The following STK35 variants were observed in gnomAD, a reference collection of about 807,000 sequenced individuals.
The protein encoded by STK35 is serine/threonine-protein kinase 35.
In STK35, 17 loss-of-function variants were observed where a neutral mutation model predicts 37.3. The ratio of observed to expected loss-of-function variants is 0.46; its 90% CI spans 0.31 to 0.68. STK35 has a LOEUF of 0.68. Ranked by LOEUF, STK35 falls within the 30% of genes least tolerant of loss-of-function variation. The pLI, the probability that STK35 is intolerant of heterozygous loss-of-function variation, is 0.05. For missense variants in STK35, 595 were observed against 746.7 expected (o/e 0.80, Z 2.37); for synonymous variants, 385 against 319.1 (o/e 1.21, Z -2.20).
Position 2,141,907 on chromosome 20 carries a change from T to C in STK35, c.*38-1877T>C, listed in dbSNP as rs576368176. Among the ~76,000 whole-genome samples, 4 of 152,354 alleles carry C rather than the reference T, an allele frequency of 2.6e-5. No individual in the cohort carries two copies. The East Asian group carries it at 7.7e-4, about 29-fold the overall frequency. On this transcript the variant is annotated intron_variant, in intron 3 of 3. Coordinates refer to ENST00000381482, the MANE Select transcript of STK35 (RefSeq NM_080836.4). ...TTATTTTTGGACTTGTGAGTTGTTA[T>C]ATTTCAGTGAACTTCTTTATCCATA...
intron 2 of STK35, among the ~76,000 whole-genome samples, chr20:2,108,436 G>A (rs1187880373): frequency 6.6e-6 from 1 of 152,158 alleles, no homozygotes; most frequent in Non-Finnish European, 1.5e-5. Context: ...CTTGAACCCG[G>A]GAGGCAGAGG....
In STK35 at chr20:2,116,929, A is replaced by G; in HGVS notation, c.1156A>G (p.Lys386Glu). ...CAAAGTGGCCGACTTTGGACTAAGCAAGGTCTGTGCTGGGCTGGCACCCCG... is the reference window on the plus strand; with the variant it reads ...CAAAGTGGCCGACTTTGGACTAAGCGAGGTCTGTGCTGGGCTGGCACCCCG... Reference protein sequence around the residue: ...ILKVADFGLSKVCAGLAPRGK... With the variant: ...ILKVADFGLSEVCAGLAPRGK... Residue 386 changes from lysine to glutamate, a missense_variant, in exon 3 of 4, where the codon AAG (lysine) becomes GAG (glutamate). Lys to Glu is a moderately conservative substitution (Grantham distance 56). This residue lies in a region of STK35 where 109 missense variants were observed against 280.3 expected (regional missense o/e 0.39). Coordinates refer to ENST00000381482, the MANE Select transcript of STK35 (RefSeq NM_080836.4). The G allele has an allele frequency of 6.2e-7, 1 of 1,614,116 alleles. No individual in the cohort carries two copies. Among genetic ancestry groups the G allele is most frequent in the Non-Finnish European group, 8.5e-7 (1 of 1,180,022 alleles).
chr20:2,110,519 A>G (rs1216047349), intron 2 of STK35, among the ~76,000 whole-genome samples: 1 of 152,178 alleles, frequency 6.6e-6, no homozygotes, highest in Non-Finnish European at 1.5e-5. Flanking sequence ...CTTACTCTGT[A>G]TGGAATACCA....
At chr20:2,138,979 T>C (rs887980782) in intron 3 of STK35, among the ~76,000 whole-genome samples, 20 of 152,200 alleles carry the variant, frequency 1.3e-4, no homozygotes, top group African/African-American at 4.8e-4. Flanking sequence ...TGAGCTATGG[T>C]TGTGCCACTG....
At chr20:2,128,999 A>AT (rs1985953753) in intron 3 of STK35, among the ~76,000 whole-genome samples, 1 of 151,860 alleles carries the variant, frequency 6.6e-6, no homozygotes, top group Non-Finnish European at 1.5e-5. Context: ...TAATTTTCAT[A>AT]TTTTTATTAG....
At chr20:2,140,546 A>G (rs6132337) in intron 3 of STK35, among the ~76,000 whole-genome samples, 50,379 of 151,870 alleles carry the variant, frequency 0.33, 9,885 homozygotes, top group East Asian at 0.92. Flanking sequence ...CCTGGGAAAA[A>G]TGCTCTTTCT....
chr20:2,117,485 G>T lies in STK35; in HGVS notation c.*37+70G>T. ...GGGTCTCACTCTGTTGGTCAGGCTG[G>T]GGTGCAGCGGGTGCAGTGGCAGGAT... On this transcript the variant is annotated intron_variant, in intron 3 of 3. Transcript: ENST00000381482. The surrounding 1 kb of genome is among the most constrained non-coding windows in gnomAD (Gnocchi z 4.4). The T allele has an allele frequency of 1.3e-6, 1 of 797,870 alleles. No individual in the cohort carries two copies. Among genetic ancestry groups the T allele is most frequent in the Non-Finnish European group, 1.9e-6 (1 of 518,162 alleles). 49.4% of individuals were successfully genotyped at this position (797,870 alleles called of 1,614,324 possible).
intron 3 of STK35, among the ~76,000 whole-genome samples, chr20:2,133,606 TTAAG>T (rs1214021761): frequency 1.3e-5 from 2 of 152,182 alleles, no homozygotes; most frequent in African/African-American, 4.8e-5. Flanking sequence ...AAGACGAGGT[TTAAG>T]TGAGTCTGGG....
intron 3 of STK35, among the ~76,000 whole-genome samples, chr20:2,124,907 C>T (rs1194071128): frequency 6.6e-6 from 1 of 152,170 alleles, no homozygotes; most frequent in African/African-American, 2.4e-5. Flanking sequence ...CTGCTGTTGC[C>T]ATCTCTTGAT....
At chr20:2,129,737 C>T (rs1600615226) in intron 3 of STK35, among the ~76,000 whole-genome samples, 1 of 152,046 alleles carries the variant, frequency 6.6e-6, no homozygotes, top group African/African-American at 2.4e-5. Context: ...AGGACCTGCC[C>T]AAGGCGGTCA....
At chr20:2,135,392 C>G (rs929840355) in intron 3 of STK35, among the ~76,000 whole-genome samples, 4 of 152,204 alleles carry the variant, frequency 2.6e-5, no homozygotes, top group Non-Finnish European at 2.9e-5. Context: ...CCCCAGCCGC[C>G]TCTTTCAACA....
At position 2,116,837 on chromosome 20, in the gene STK35, A is replaced by G. The variant is rs781122751; in HGVS notation, c.1064A>G (p.His355Arg). Residue 355 changes from histidine to arginine, a missense_variant, in exon 3 of 4, where the codon CAT (histidine) becomes CGT (arginine). Physicochemically the swap from His to Arg is conservative, Grantham distance 29. Around this residue, in one of 3 missense-constraint regions of STK35, gnomAD observed 109 missense variants for 280.3 expected, o/e 0.39. Coordinates refer to ENST00000381482, the MANE Select transcript of STK35 (RefSeq NM_080836.4). Reference sequence around the variant, plus strand: ...GCCATTGCCTTCCTGCACAAAAACCATATTGTGCACAGGGACCTGAAGCCA... The same window carrying G: ...GCCATTGCCTTCCTGCACAAAAACCGTATTGTGCACAGGGACCTGAAGCCA... ...TSAIAFLHKN[H>R]IVHRDLKPDN... 1 of 1,614,136 alleles carries G rather than the reference A, an allele frequency of 6.2e-7. No individual in the cohort carries two copies. The highest frequency in any genetic ancestry group is 8.5e-7 in the Non-Finnish European group (1 of 1,180,030).
chr20:2,139,984 A>G (rs993014127), intron 3 of STK35, among the ~76,000 whole-genome samples: 6 of 152,208 alleles, frequency 3.9e-5, no homozygotes, highest in African/African-American at 1.2e-4. Flanking sequence ...ATTGAAGACT[A>G]TCATAGTGCA....
At chr20:2,131,093 C>T (rs144681490) in intron 3 of STK35, among the ~76,000 whole-genome samples, 4 of 152,284 alleles carry the variant, frequency 2.6e-5, no homozygotes, top group Admixed American at 1.3e-4. Context: ...CACTGTGAAG[C>T]GATTTTGTCT....
At chr20:2,132,258 C>T (rs137926056) in intron 3 of STK35, among the ~76,000 whole-genome samples, 1 of 152,370 alleles carries the variant, frequency 6.6e-6, no homozygotes, top group Non-Finnish European at 1.5e-5. Flanking sequence ...GAAAAGGGAG[C>T]TGGCTTTTGC....
intron 2 of STK35, among the ~76,000 whole-genome samples, chr20:2,107,303 CAT>C (rs2122541559): frequency 6.6e-6 from 1 of 152,346 alleles, no homozygotes; most frequent in African/African-American, 2.4e-5. Flanking sequence ...TCTCAAGACT[CAT>C]ATAACAGAAT....
At chr20:2,114,103 G>C (rs187220318) in intron 2 of STK35, among the ~76,000 whole-genome samples, 5 of 152,214 alleles carry the variant, frequency 3.3e-5, no homozygotes, top group Admixed American at 2.0e-4. Context: ...ATCTGGTCGT[G>C]AGGTAGCTGA....
intron 3 of STK35, among the ~76,000 whole-genome samples, chr20:2,141,000 G>C (rs955215807): frequency 4.6e-5 from 7 of 152,212 alleles, no homozygotes; most frequent in Admixed American, 4.6e-4. Context: ...GGGAGGAAAG[G>C]AATGCTGGAA....
At chr20:2,104,126 A>C (rs1316281768) in intron 2 of STK35, among the ~76,000 whole-genome samples, 1 of 152,238 alleles carries the variant, frequency 6.6e-6, no homozygotes, top group Non-Finnish European at 1.5e-5. Flanking sequence ...GAGGTCTTGC[A>C]GTCCTGGAGG....
Sources: gnomAD v4.1 joint callset for allele counts (sites outside exome capture counted in the v4.1 genomes callset) on GRCh38, gnomAD v4.1.1 for gene constraint, gnomAD v4.1.1 regional missense constraint, Gnocchi (gnomAD v3.1) non-coding constraint, MANE v1.5 for transcripts, NCBI Gene and HGNC (gene_info 2026-07-23, HGNC 2026-07-21) for gene names.